Variants in GAS2 observed in about 807,000 individuals in gnomAD.
The protein encoded by GAS2 is growth arrest-specific protein 2.
GAS2 carries 20 observed loss-of-function variants against 37.5 expected under a neutral mutation model. The observed-to-expected ratio is 0.53, with a 90% CI of 0.37 to 0.77. The LOEUF (loss-of-function observed/expected upper bound fraction) is 0.77. Ranked by LOEUF, GAS2 falls within the 30% of genes least tolerant of loss-of-function variation. The pLI, the probability that GAS2 is intolerant of heterozygous loss-of-function variation, is 0.00. For missense variants in GAS2, 336 were observed against 373.4 expected (o/e 0.90, Z 0.82); for synonymous variants, 144 against 132.2 (o/e 1.09, Z -0.61).
At chr11:22,751,713 T>C (rs919160134) in intron 6 of GAS2, among the ~76,000 whole-genome samples, 1 of 151,922 alleles carries the variant, frequency 6.6e-6, no homozygotes, top group African/African-American at 2.4e-5. Flanking sequence ...TTCACTAGCT[T>C]GTCCCCTATC....
chr11:22,719,999 G>A (rs1248777163), intron 3 of GAS2, among the ~76,000 whole-genome samples: 1 of 151,948 alleles, frequency 6.6e-6, no homozygotes, highest in Non-Finnish European at 1.5e-5. Flanking sequence ...TGAGGACTAG[G>A]TTTGACCTTC....
chr11:22,698,867 G>A (rs1850680642), intron 3 of GAS2, among the ~76,000 whole-genome samples: 1 of 152,162 alleles, frequency 6.6e-6, no homozygotes, highest in South Asian at 2.1e-4. Flanking sequence ...GAAATATTAT[G>A]TTGTTTTTCT....
intron 3 of GAS2, among the ~76,000 whole-genome samples, chr11:22,690,355 A>T (rs185663796): frequency 4.6e-5 from 7 of 152,290 alleles, no homozygotes; most frequent in African/African-American, 1.7e-4. Context: ...ATTCTGTCCT[A>T]TGATTCTTTC....
At chr11:22,626,498 T>A (rs1858655953) in intron 1 of GAS2, 1 of 153,382 alleles carries the variant, frequency 6.5e-6, no homozygotes, top group Non-Finnish European at 1.5e-5. Flanking sequence ...ATACAAATAA[T>A]CAGCTGAAGG....
chr11:22,726,520 A>G (rs1376083462), intron 4 of GAS2, 87 bp downstream of exon 4: 7 of 1,130,020 alleles, frequency 6.2e-6, no homozygotes, highest in South Asian at 2.8e-5. Flanking sequence ...AGTTTTTTGT[A>G]TGATGTCATT....
chr11:22,726,273 G>T lies in GAS2; in HGVS notation c.268-19G>T. ...AACTTTGACAGATTTCTCCTAGAAC[G>T]AATTTCTTTATTTTTCAGAATCTAC... is the stretch of plus-strand genomic sequence containing the variant. On this transcript the variant is annotated intron_variant, in intron 3 of 7. Coordinates refer to ENST00000454584, the MANE Select transcript of GAS2 (RefSeq NM_001143830.3). 8 of 1,582,976 alleles carry T rather than the reference G, an allele frequency of 5.1e-6. No homozygotes were observed. Among genetic ancestry groups the T allele is most frequent in the Non-Finnish European group, 6.8e-6 (8 of 1,171,868 alleles).
chr11:22,742,801 C>T (rs776968143), intron 5 of GAS2, among the ~76,000 whole-genome samples: 23 of 152,010 alleles, frequency 1.5e-4, no homozygotes, highest in Non-Finnish European at 2.8e-4. Context: ...TATTATTTCA[C>T]TTTGTAAAAA....
chr11:22,645,835 CTTTTCTTTTCT>C (rs773325618), intron 1 of GAS2, among the ~76,000 whole-genome samples: 7 of 106,340 alleles, frequency 6.6e-5, no homozygotes, highest in East Asian at 2.9e-4. Flanking sequence ...TTTTCTTTTT[CTTTTCTTTTCT>C]TTTTTTTTTT....
At chr11:22,722,949 A>G (rs1852016608) in intron 3 of GAS2, among the ~76,000 whole-genome samples, 1 of 151,932 alleles carries the variant, frequency 6.6e-6, no homozygotes, top group Non-Finnish European at 1.5e-5. Context: ...CCATTAACAT[A>G]TCATTTCCAT....
intron 1 of GAS2, among the ~76,000 whole-genome samples, chr11:22,653,417 A>G (rs928836621): frequency 2.0e-5 from 3 of 152,184 alleles, no homozygotes; most frequent in Admixed American, 6.5e-5. Flanking sequence ...TACATTTTCT[A>G]TGTACAGTTA....
intron 1 of GAS2, among the ~76,000 whole-genome samples, chr11:22,633,043 C>G (rs1004135455): frequency 6.6e-6 from 1 of 151,880 alleles, no homozygotes; most frequent in Non-Finnish European, 1.5e-5. Flanking sequence ...ACCTCTTGAA[C>G]TCTTTATCTG....
chr11:22,753,938 G>C (rs1270796305), intron 6 of GAS2, among the ~76,000 whole-genome samples: 1 of 152,044 alleles, frequency 6.6e-6, no homozygotes, highest in Non-Finnish European at 1.5e-5. Context: ...GGAAGGAAAT[G>C]ATGTGCTCTT....
rs11529189 is a variant in GAS2 at position 22,650,676 on chromosome 11, C to T, written c.-20-24174C>T. Among the ~76,000 whole-genome samples the T allele has an allele frequency of 3.7e-3, 564 of 152,052 alleles. 15 individuals are homozygous for T. The East Asian group carries it at 0.076, about 21-fold the overall frequency. The stretch of plus-strand genomic sequence containing the variant: ...TGATCCCTTTACCATTATGTAATGG[C>T]CTTCTTTGTCTCTTTTGATCTTTGT... On this transcript the variant is annotated intron_variant, in intron 1 of 5. Coordinates refer to the GAS2 transcript ENST00000528582.
chr11:22,695,990 G>T (rs566985001), intron 3 of GAS2, among the ~76,000 whole-genome samples: 2 of 151,684 alleles, frequency 1.3e-5, no homozygotes, highest in African/African-American at 2.4e-5. Flanking sequence ...TGTGCACATT[G>T]TGCAGGTTAG....
rs762196965 is a variant in GAS2, at chr11:22,755,804, G to A, written c.616-42G>A. 4 of 1,440,204 alleles carry A rather than the reference G, an allele frequency of 2.8e-6. No individual in the cohort carries two copies. In the South Asian group the frequency reaches 3.5e-5, roughly 13 times the overall value. 89.2% of individuals were successfully genotyped at this position (1,440,204 alleles called of 1,614,324 possible). The stretch of plus-strand genomic sequence containing the variant: ...CTTGGAGCAAATTAACATAAATGCA[G>A]CCTAATTAAGACAAATGAATGTGCC... On this transcript the variant is annotated intron_variant, in intron 6 of 7. Transcript: ENST00000454584.
chr11:22,756,296 TA>T (rs1190511699), intron 7 of GAS2, among the ~76,000 whole-genome samples: 1 of 151,788 alleles, frequency 6.6e-6, no homozygotes, highest in African/African-American at 2.4e-5. Context: ...ATTCTTTTTT[TA>T]AAAAAAAGAA....
At chr11:22,785,428 G>T (rs758232501) in intron 7 of GAS2, among the ~76,000 whole-genome samples, 3 of 152,104 alleles carry the variant, frequency 2.0e-5, no homozygotes, top group Non-Finnish European at 4.4e-5. Context: ...CTGTATCAGA[G>T]CTGTGCTTAA....
chr11:22,651,212 A>C (rs1312740710), intron 1 of GAS2, among the ~76,000 whole-genome samples: 3 of 152,086 alleles, frequency 2.0e-5, no homozygotes, highest in African/African-American at 7.2e-5. Context: ...TTCTGGGTTG[A>C]AAATTCTTTT....
intron 1 of GAS2, among the ~76,000 whole-genome samples, chr11:22,627,618 C>CA (rs1858681052): frequency 6.6e-6 from 1 of 151,694 alleles, no homozygotes; most frequent in African/African-American, 2.4e-5. Context: ...AACAAACAAA[C>CA]AAAAAAATTA....
Sources: gnomAD v4.1 joint callset for allele counts (sites outside exome capture counted in the v4.1 genomes callset) on GRCh38, gnomAD v4.1.1 for gene constraint, MANE v1.5 for transcripts, NCBI Gene and HGNC (gene_info 2026-07-23, HGNC 2026-07-21) for gene names.